NBAS: variants seen among roughly 807,000 people sequenced by gnomAD.
The protein encoded by NBAS is NAG/BC035112 fusion.
Under a neutral mutation model 302.5 loss-of-function variants are expected in NBAS, and 219 were observed. The ratio of observed to expected loss-of-function variants is 0.72; its 90% CI spans 0.65 to 0.81. The LOEUF (loss-of-function observed/expected upper bound fraction) is 0.81. Ranked by LOEUF, NBAS falls within the 30% of genes least tolerant of loss-of-function variation. The probability of loss-of-function intolerance (pLI) is 0.00; values close to 1 mark genes in which losing one functional copy is unlikely to be tolerated. For synonymous variants in NBAS, 1,118 were observed against 1,021.6 expected (o/e 1.09, Z -1.80); for missense variants, 2,932 against 2,841.6 (o/e 1.03, Z -0.72).
At chr2:15,330,015 C>T (rs972312563) in intron 36 of NBAS, among the ~76,000 whole-genome samples, 1 of 152,158 alleles carries the variant, frequency 6.6e-6, no homozygotes, top group Non-Finnish European at 1.5e-5. Context: ...GTGATTAGGA[C>T]ATTTGACAGG....
chr2:15,349,832 C>T lies in NBAS; in HGVS notation c.4179+2160G>A, dbSNP rs77552625. 5.5e-3 allele frequency among the ~76,000 whole-genome samples: 830 copies of T among 152,070 alleles called. 11 individuals carry two copies. The highest frequency in any genetic ancestry group is 0.018 in the African/African-American group (755 of 41,500). On this transcript the variant is annotated intron_variant, in intron 35 of 51. Transcript: ENST00000281513. Reference sequence around the variant, plus strand: ...AAATACATTTAATTTAAAATGTGATCCCTTAAGTGCACTAGTGATATTTCA... The same window carrying T: ...AAATACATTTAATTTAAAATGTGATTCCTTAAGTGCACTAGTGATATTTCA...
chr2:14,905,490 A>T, the NBAS span, among the ~76,000 whole-genome samples: 2 of 152,104 alleles, frequency 1.3e-5, no homozygotes, highest in Non-Finnish European at 2.9e-5. Context: ...ACTTGGGCCA[A>T]CAACCCAACT....
chr2:15,448,909 A>G (rs1678876749), intron 21 of NBAS, among the ~76,000 whole-genome samples: 1 of 152,230 alleles, frequency 6.6e-6, no homozygotes. Flanking sequence ...ACCAAAAAGA[A>G]TTATAGGGAC....
At chr2:15,427,306 C>T (rs538414029) in intron 22 of NBAS, among the ~76,000 whole-genome samples, 22 of 152,182 alleles carry the variant, frequency 1.4e-4, no homozygotes, top group Admixed American at 1.3e-3. Context: ...TCTCCCACCC[C>T]CCTTCTGCAG....
the NBAS span, among the ~76,000 whole-genome samples, chr2:14,942,535 T>C: frequency 6.6e-6 from 1 of 152,206 alleles, no homozygotes; most frequent in African/African-American, 2.4e-5. Context: ...GATGTCAACA[T>C]CATACTTCCT....
rs151116990 is a variant in NBAS at position 15,468,485 on chromosome 2, C to T, written c.1774G>A (p.Val592Ile). The T allele has an allele frequency of 1.1e-4, 182 of 1,614,088 alleles. 1 individual carries two copies. The highest frequency in any genetic ancestry group is 1.5e-4 in the Non-Finnish European group (173 of 1,179,972). ...TTTGCAGCATCCACATTTTCAGGAACTCTTTCCAAACACTCATGGAGAACC... is the reference window on the plus strand; with the variant it reads ...TTTGCAGCATCCACATTTTCAGGAATTCTTTCCAAACACTCATGGAGAACC... Reference protein sequence around the residue: ...SWVLHECLERVPENVDAAKEL... With the variant: ...SWVLHECLERIPENVDAAKEL... Residue 592 changes from valine to isoleucine, a missense_variant, in exon 17 of 52, where the codon GTT (valine) becomes ATT (isoleucine). By Grantham distance (29) the Val-to-Ile change is conservative (BLOSUM62 3). Coordinates refer to ENST00000281513, the MANE Select transcript of NBAS (RefSeq NM_015909.4).
chr2:15,169,068 T>C (rs1025693775), intron 51 of NBAS, among the ~76,000 whole-genome samples: 5 of 152,244 alleles, frequency 3.3e-5, no homozygotes, highest in African/African-American at 1.2e-4. Context: ...ATTATGAAAC[T>C]TTGTCACATT....
chr2:14,967,882 C>T, the NBAS span, among the ~76,000 whole-genome samples: 5 of 152,116 alleles, frequency 3.3e-5, no homozygotes, highest in Non-Finnish European at 7.4e-5. Context: ...GCTCTCAAGC[C>T]TCACCACTCT....
intron 51 of NBAS, among the ~76,000 whole-genome samples, chr2:15,172,934 T>C (rs1664362665): frequency 6.6e-6 from 1 of 152,190 alleles, no homozygotes; most frequent in East Asian, 1.9e-4. Flanking sequence ...AGCTCCAGTT[T>C]CCACATCAGA....
At chr2:15,172,106 C>A (rs558315984) in intron 51 of NBAS, among the ~76,000 whole-genome samples, 1 of 152,206 alleles carries the variant, frequency 6.6e-6, no homozygotes. Context: ...CAGCTTACAG[C>A]GGTGACATCA....
the NBAS span, among the ~76,000 whole-genome samples, chr2:14,961,993 C>T: frequency 1.3e-5 from 2 of 152,086 alleles, no homozygotes; most frequent in African/African-American, 2.4e-5. Flanking sequence ...AGGCTGGTCT[C>T]GAACTCCTGA....
At chr2:15,294,890 T>A (rs1003161729) in intron 40 of NBAS, among the ~76,000 whole-genome samples, 2 of 152,210 alleles carry the variant, frequency 1.3e-5, no homozygotes, top group Non-Finnish European at 2.9e-5. Context: ...GCTTTCAGAC[T>A]GAAGTTTTCA....
chr2:14,891,406 A>G, the NBAS span, among the ~76,000 whole-genome samples: 187 of 152,326 alleles, frequency 1.2e-3, no homozygotes, highest in Middle Eastern at 6.8e-3. Context: ...ATATTTCCCT[A>G]CACATATAGG....
chr2:15,558,783 G>A, intron 1 of NBAS, 149 bp from the exon 2 acceptor site: 2 of 688,458 alleles, frequency 2.9e-6, no homozygotes, highest in Admixed American at 2.1e-5. Flanking sequence ...CTTAAAGACT[G>A]GATGTTCAGG....
the NBAS span, among the ~76,000 whole-genome samples, chr2:15,143,114 T>C: frequency 2.0e-5 from 3 of 152,200 alleles, no homozygotes; most frequent in Admixed American, 2.0e-4. Context: ...GATCAGAAGA[T>C]CTGGAAGCCT....
chr2:14,784,609 G>A, the NBAS span, among the ~76,000 whole-genome samples: 1,847 of 152,180 alleles, frequency 0.012, 43 homozygotes, highest in African/African-American at 0.043. Flanking sequence ...TCTCAGCTTT[G>A]TCAAAGATCA....
chr2:15,494,142 A>T (rs904416316), intron 11 of NBAS, among the ~76,000 whole-genome samples: 5 of 152,150 alleles, frequency 3.3e-5, no homozygotes, highest in Non-Finnish European at 7.4e-5. Context: ...CACTTTGGTT[A>T]AAGTAAGTCT....
At chr2:14,821,004 AC>A in the NBAS span, among the ~76,000 whole-genome samples, 12 of 149,590 alleles carry the variant, frequency 8.0e-5, no homozygotes, top group Non-Finnish European at 1.2e-4. Flanking sequence ...ATCTTGGCTC[AC>A]CGCAAGCTCC....
intron 51 of NBAS, among the ~76,000 whole-genome samples, chr2:15,174,131 G>A (rs925278807): frequency 2.6e-5 from 4 of 152,170 alleles, no homozygotes; most frequent in African/African-American, 4.8e-5. Flanking sequence ...AGGTTAAAAC[G>A]ATAGAAATAA....
Sources: gnomAD v4.1 joint callset for allele counts (sites outside exome capture counted in the v4.1 genomes callset) on GRCh38, gnomAD v4.1.1 for gene constraint, MANE v1.5 for transcripts, NCBI Gene and HGNC (gene_info 2026-07-23, HGNC 2026-07-21) for gene names.